Variants in NUP210 observed in about 807,000 individuals in gnomAD.
NUP210 encodes nuclear pore membrane glycoprotein 210.
In NUP210, 151 loss-of-function variants were observed where a neutral mutation model predicts 196.0. That is an observed-to-expected ratio of 0.77 (90% confidence interval 0.67 to 0.88). The LOEUF is 0.88. Among genes scored for constraint, NUP210 ranks in the 40% least tolerant of loss-of-function variants. The pLI is 0.00. For synonymous variants in NUP210, 1,070 were observed against 1,052.7 expected (o/e 1.02, Z -0.32); for missense variants, 2,314 against 2,493.7 (o/e 0.93, Z 1.53).
chr3:13,375,684 T>A, intron 10 of NUP210, 43 bp from the exon 11 acceptor site: 1 of 1,591,814 alleles, frequency 6.3e-7, no homozygotes, highest in East Asian at 2.3e-5. Context: ...GACAACCATG[T>A]CATCATCAGT....
intron 32 of NUP210, among the ~76,000 whole-genome samples, chr3:13,326,782 G>A (rs1696771098): frequency 6.6e-6 from 1 of 152,236 alleles, no homozygotes; most frequent in Non-Finnish European, 1.5e-5. Context: ...GTGTCTCCTG[G>A]CTAGAGGAAC....
At chr3:13,403,129 A>G (rs1699894398) in intron 1 of NUP210, among the ~76,000 whole-genome samples, 1 of 152,238 alleles carries the variant, frequency 6.6e-6, no homozygotes, top group Admixed American at 6.5e-5. Context: ...TATCCTAAAT[A>G]TCATGCTTCT....
chr3:13,329,637 C>A (rs1485923721), intron 30 of NUP210, among the ~76,000 whole-genome samples: 1 of 152,198 alleles, frequency 6.6e-6, no homozygotes, highest in Non-Finnish European at 1.5e-5. Context: ...CATTTTGAAA[C>A]AAAATGATGT....
intron 18 of NUP210, among the ~76,000 whole-genome samples, chr3:13,353,345 G>A (rs1277491218): frequency 6.6e-6 from 1 of 152,136 alleles, no homozygotes; most frequent in Non-Finnish European, 1.5e-5. Flanking sequence ...TTCTTGAGAA[G>A]CCCTTCCCAT....
rs1231203860 is a variant in NUP210, at chr3:13,350,502, C to A, written c.2835+1377G>T. On this transcript the variant is annotated intron_variant, in intron 20 of 39. Coordinates refer to ENST00000254508, the MANE Select transcript of NUP210 (RefSeq NM_024923.4). The surrounding 1 kb of genome is among the most constrained non-coding windows in gnomAD (Gnocchi z 4.1). The stretch of plus-strand genomic sequence containing the variant: ...CAAAAAACAAAACAAAACAGGAAAA[C>A]ATGACCCGTACTCCAGAAAAAAGGC... 6.6e-6 allele frequency among the ~76,000 whole-genome samples: 1 copy of A among 150,574 alleles called. No homozygotes were observed. Among genetic ancestry groups the A allele is most frequent in the African/African-American group, 2.4e-5 (1 of 40,994 alleles).
intron 1 of NUP210, among the ~76,000 whole-genome samples, chr3:13,410,048 G>A (rs1323473037): frequency 1.4e-5 from 2 of 146,622 alleles, no homozygotes; most frequent in African/African-American, 5.1e-5. Flanking sequence ...TATTTTAGTA[G>A]AAACGGTTTC....
intron 20 of NUP210, chr3:13,345,174 C>T: frequency 1.0e-6 from 1 of 985,452 alleles, no homozygotes; most frequent in Non-Finnish European, 1.2e-6. Context: ...ACCTGGTGCT[C>T]CAGCCTGCTC....
intron 27 of NUP210, 102 bp from the exon 28 acceptor site, chr3:13,335,714 C>G: frequency 7.6e-7 from 1 of 1,316,298 alleles, no homozygotes; most frequent in Non-Finnish European, 1.1e-6. Flanking sequence ...GCCCCCCAGT[C>G]CTGGTAGCTG....
rs756572730 is a variant in NUP210 at position 13,373,877 on chromosome 3, C to T, written c.1432-4G>A. The T allele has an allele frequency of 8.7e-6, 14 of 1,612,064 alleles. No individual in the cohort carries two copies. The highest frequency in any genetic ancestry group is 2.7e-5 in the African/African-American group (2 of 74,848). On this transcript the variant is annotated splice_region_variant and splice_polypyrimidine_tract_variant and intron_variant, in intron 11 of 39. Transcript: ENST00000254508. Reference sequence around the variant, plus strand: ...AGTTCCCACTGCCACCGTGGGCCTGCGGAGGAAAAGCCATCACAGGACCAG... The same window carrying T: ...AGTTCCCACTGCCACCGTGGGCCTGTGGAGGAAAAGCCATCACAGGACCAG...
At chr3:13,373,668 G>A (rs768980296) in intron 12 of NUP210, 50 bp downstream of exon 12, 4 of 1,598,142 alleles carry the variant, frequency 2.5e-6, no homozygotes, top group Non-Finnish European at 8.6e-7. Flanking sequence ...GGGGCGGCTG[G>A]AGACCACCAT....
intron 1 of NUP210, among the ~76,000 whole-genome samples, chr3:13,412,231 C>CTTTTCT (rs1553605358): frequency 2.9e-5 from 3 of 104,790 alleles, no homozygotes; most frequent in African/African-American, 5.2e-5. Flanking sequence ...TTTTCCTTTT[C>CTTTTCT]TTTTTTTTTT....
At chr3:13,386,522 G>A in intron 5 of NUP210, 115 bp from the exon 6 acceptor site, 1 of 1,323,982 alleles carries the variant, frequency 7.6e-7, no homozygotes, top group Non-Finnish European at 1.0e-6. Context: ...TAAGAGGAAA[G>A]AAACAAGATA....
At chr3:13,361,094 C>T (rs988828704) in intron 14 of NUP210, among the ~76,000 whole-genome samples, 1 of 152,182 alleles carries the variant, frequency 6.6e-6, no homozygotes. Context: ...CACCAGGTGA[C>T]CAAAGGAGAT....
rs546297212 is a variant in NUP210 at position 13,396,657 on chromosome 3, G to C, written c.436+700C>G. ...CACCTCTAATCCTAGCTACTTGGGA[G>C]GCTGAGGTAGGAGAATCGCTTGAAC... On this transcript the variant is annotated intron_variant, in intron 3 of 39. Transcript: ENST00000254508. Among the ~76,000 whole-genome samples the C allele has an allele frequency of 1.5e-4, 22 of 150,562 alleles. 1 individual carries two copies. The highest frequency in any genetic ancestry group is 5.4e-4 in the African/African-American group (22 of 40,802).
intron 10 of NUP210, 72 bp from the exon 11 acceptor site, chr3:13,375,713 C>G (rs752916046): frequency 2.1e-5 from 31 of 1,505,596 alleles, no homozygotes; most frequent in African/African-American, 1.1e-4. Flanking sequence ...GTCACCGGAC[C>G]CCCACCCCTC....
chr3:13,402,808 T>C (rs1699882011), intron 1 of NUP210, among the ~76,000 whole-genome samples: 2 of 152,216 alleles, frequency 1.3e-5, no homozygotes, highest in Admixed American at 6.5e-5. Context: ...AGATTTCCCA[T>C]ACATGCCCTG....
intron 13 of NUP210, among the ~76,000 whole-genome samples, chr3:13,369,353 T>C (rs1252539811): frequency 6.6e-6 from 1 of 152,242 alleles, no homozygotes; most frequent in Admixed American, 6.5e-5. Flanking sequence ...TGCAGATGTT[T>C]TCTCCCATTC....
At chr3:13,412,535 G>A (rs555709675) in intron 1 of NUP210, among the ~76,000 whole-genome samples, 9 of 152,058 alleles carry the variant, frequency 5.9e-5, no homozygotes, top group Admixed American at 1.3e-4. Flanking sequence ...CCAACATGGC[G>A]AAATCCCGTT....
intron 13 of NUP210, among the ~76,000 whole-genome samples, chr3:13,366,508 ATTTC>A (rs1367223496): frequency 9.3e-5 from 12 of 128,534 alleles, no homozygotes; most frequent in Middle Eastern, 5.0e-3. Context: ...CCTTGATCTG[ATTTC>A]TTTCTTTTTT....
Sources: allele counts gnomAD v4.1 joint callset (sites outside exome capture counted in the v4.1 genomes callset), GRCh38; gene constraint gnomAD v4.1.1; non-coding constraint Gnocchi (gnomAD v3.1); transcripts MANE v1.5; gene names NCBI Gene and HGNC (gene_info 2026-07-23, HGNC 2026-07-21).